VAX2: variants seen among roughly 807,000 people sequenced by gnomAD.
The protein encoded by VAX2 is ventral anterior homeobox 2.
VAX2 carries 8 observed loss-of-function variants against 12.5 expected under a neutral mutation model. That is an observed-to-expected ratio of 0.64 (90% CI 0.37 to 1.15). The LOEUF is 1.15. Among genes scored for constraint, VAX2 ranks in the 50% most tolerant of loss-of-function variants. The pLI is 0.01. For missense variants in VAX2, 476 were observed against 412.9 expected (o/e 1.15, Z -1.32); for synonymous variants, 183 against 187.6 (o/e 0.98, Z 0.20).
Position 70,933,138 on chromosome 2 carries a change from C to A in VAX2, c.807C>A (p.Phe269Leu). The A allele has an allele frequency of 6.3e-7, 1 of 1,595,426 alleles. No homozygotes were observed. Among genetic ancestry groups the A allele is most frequent in the Non-Finnish European group, 8.5e-7 (1 of 1,172,080 alleles). Reference sequence around the variant, plus strand: ...GCTACGAACTGGGTTCCTCGGCCTTCGAGCCATACAGCTGGCTAGAACGGA... The same window carrying A: ...GCTACGAACTGGGTTCCTCGGCCTTAGAGCCATACAGCTGGCTAGAACGGA... Reference protein sequence around the residue: ...PAGYELGSSAFEPYSWLERKV... With the variant: ...PAGYELGSSALEPYSWLERKV... The change falls in exon 3 of 3, where the codon TTC becomes TTA. Residue 269 changes from phenylalanine (F) to leucine (L), a missense_variant. Physicochemically the swap from Phe to Leu is conservative, Grantham distance 22 (BLOSUM62 0). Coordinates refer to ENST00000234392, the MANE Select transcript of VAX2 (RefSeq NM_012476.3).
At chr2:70,928,976 G>T (rs910525162) in intron 2 of VAX2, among the ~76,000 whole-genome samples, 3 of 152,220 alleles carry the variant, frequency 2.0e-5, no homozygotes, top group Admixed American at 6.5e-5. Context: ...CTGGCCTCAG[G>T]TCCTAGGACG....
intron 2 of VAX2, among the ~76,000 whole-genome samples, chr2:70,921,795 C>T (rs1679464844): frequency 6.6e-6 from 1 of 152,136 alleles, no homozygotes; most frequent in African/African-American, 2.4e-5. Flanking sequence ...GGTCTGCACA[C>T]CCCCTTCACC....
At chr2:70,913,301 T>A (rs569097250) in intron 1 of VAX2, among the ~76,000 whole-genome samples, 159 of 152,364 alleles carry the variant, frequency 1.0e-3, no homozygotes, top group African/African-American at 3.6e-3. Context: ...AGGGCAGGGA[T>A]GGTAATATCC....
At chr2:70,914,622 A>C (rs1679267406) in intron 1 of VAX2, among the ~76,000 whole-genome samples, 1 of 152,042 alleles carries the variant, frequency 6.6e-6, no homozygotes, top group Non-Finnish European at 1.5e-5. Flanking sequence ...ATCACTTGTT[A>C]ATGTCCTTTC....
In VAX2 at chr2:70,933,012, A is replaced by T; in HGVS notation, c.681A>T (p.Pro227=). Residue 227 remains proline, a synonymous_variant, in exon 3 of 3, where the codon CCA becomes CCT. Transcript: ENST00000234392. ...TSLGDPRNSS[P]RLNPLSSASA... is the part of the protein sequence containing the mutation. ...TAGGTGACCCCAGGAACTCCTCCCC[A>T]CGCCTCAACCCGCTGTCCTCGGCCT... The T allele has an allele frequency of 6.3e-7, 1 of 1,598,202 alleles. No individual in the cohort carries two copies. The highest frequency in any genetic ancestry group is 1.1e-5 in the South Asian group (1 of 89,272).
intron 1 of VAX2, among the ~76,000 whole-genome samples, chr2:70,908,613 GAAAT>G (rs1679117252): frequency 6.6e-6 from 1 of 152,172 alleles, no homozygotes. Context: ...ATGTAATCCT[GAAAT>G]AAATAAACTT....
chr2:70,910,798 A>G (rs1429124654), intron 1 of VAX2, among the ~76,000 whole-genome samples: 4 of 129,124 alleles, frequency 3.1e-5, no homozygotes, highest in Non-Finnish European at 6.7e-5. Context: ...AAAAAAACAA[A>G]ACAAAACAAA....
chr2:70,909,934 C>T (rs1480277356), intron 1 of VAX2, among the ~76,000 whole-genome samples: 1 of 152,078 alleles, frequency 6.6e-6, no homozygotes, highest in Non-Finnish European at 1.5e-5. Flanking sequence ...TCCCAGGCAA[C>T]ACCTACCTCA....
chr2:70,915,984 T>C (rs1679299007), intron 1 of VAX2, among the ~76,000 whole-genome samples: 1 of 152,228 alleles, frequency 6.6e-6, no homozygotes, highest in African/African-American at 2.4e-5. Context: ...ACCCTAAGCC[T>C]ATAAAATTAT....
Position 70,904,159 on chromosome 2 carries a change from C to T in VAX2, c.247+3291C>T, listed in dbSNP as rs1020326499. Among the ~76,000 whole-genome samples the T allele has an allele frequency of 6.6e-6, 1 of 152,254 alleles. No homozygotes were observed. Among genetic ancestry groups the T allele is most frequent in the Non-Finnish European group, 1.5e-5 (1 of 68,048 alleles). On this transcript the variant is annotated intron_variant, in intron 1 of 2. Transcript: ENST00000234392. This position sits in a 1 kb window ranked among gnomAD's most constrained non-coding sequence, Gnocchi z 4.2. ...TAAGGCCTGAGAAGGCCGCTCCACA[C>T]CTCCGCGTGCACAGTCCCTAGACCA...
At position 70,932,837 on chromosome 2, in the gene VAX2, C is replaced by G; in HGVS notation, c.506C>G (p.Ala169Gly). The G allele has an allele frequency of 6.2e-7, 1 of 1,612,404 alleles. No homozygotes were observed. Among genetic ancestry groups the G allele is most frequent in the Non-Finnish European group, 8.5e-7 (1 of 1,179,414 alleles). The change falls in exon 3 of 3, where the codon GCG becomes GGG. Residue 169 changes from alanine to glycine, a missense_variant. Ala to Gly is a moderately conservative substitution (Grantham distance 60). Coordinates refer to ENST00000234392, the MANE Select transcript of VAX2 (RefSeq NM_012476.3). ...KDQSRDLEKR[A>G]SSSASEAFAT... ...CAGAGCAGAGACCTGGAGAAGCGGG[C>G]GTCCTCCTCAGCCTCCGAGGCCTTT...
chr2:70,910,439 A>G (rs181456175), intron 1 of VAX2, among the ~76,000 whole-genome samples: 60 of 152,280 alleles, frequency 3.9e-4, no homozygotes, highest in African/African-American at 1.2e-3. Context: ...CAAATTTTAT[A>G]CCAAAACTCT....
At chr2:70,905,965 T>A (rs77276570) in intron 1 of VAX2, among the ~76,000 whole-genome samples, 1 of 152,236 alleles carries the variant, frequency 6.6e-6, no homozygotes, top group Admixed American at 6.5e-5. Context: ...TTGGCTACAT[T>A]TCTTTGATTT....
In VAX2 at chr2:70,905,236, G is replaced by T. The variant is rs569576522; in HGVS notation, c.247+4368G>T. On this transcript the variant is annotated intron_variant, in intron 1 of 2. Coordinates refer to ENST00000234392, the MANE Select transcript of VAX2 (RefSeq NM_012476.3). ...CCGAGGACCAGCCCCCAAGGCAGAC[G>T]TGGAAAGGTGTAAATGGTTCATGCA... 3.9e-5 allele frequency among the ~76,000 whole-genome samples: 6 copies of T among 152,308 alleles called. No individual in the cohort carries two copies. The South Asian group carries it at 1.2e-3, about 32-fold the overall frequency.
intron 1 of VAX2, 123 bp from the exon 2 acceptor site, chr2:70,920,975 A>G: frequency 8.3e-7 from 1 of 1,200,506 alleles, no homozygotes; most frequent in Non-Finnish European, 1.1e-6. Context: ...GTCACAGGTC[A>G]TGCAACCAGA....
At position 70,900,866 on chromosome 2, in the gene VAX2, G is replaced by T; in HGVS notation, c.245G>T (p.Arg82Leu). The T allele has an allele frequency of 1.4e-6, 2 of 1,411,534 alleles. No homozygotes were observed. Among genetic ancestry groups the T allele is most frequent in the Non-Finnish European group, 1.9e-6 (2 of 1,078,732 alleles). The allele number at this position is 1,411,534 out of a possible 1,614,324, so 87.4% of individuals were successfully genotyped here. ...GACCACTGCCGCCGCATACTGGTGC[G>T]AGGTAAGGGGACAGCCCGCGGCCCT... ...EADHCRRILV[R>L]DAKGTIREIV... The change falls in exon 1 of 3, where the codon CGA becomes CTA. Residue 82 changes from arginine to leucine, a missense_variant and splice_region_variant. Coordinates refer to ENST00000234392, the MANE Select transcript of VAX2 (RefSeq NM_012476.3).
chr2:70,903,758 T>C (rs1678986213), intron 1 of VAX2, among the ~76,000 whole-genome samples: 1 of 152,180 alleles, frequency 6.6e-6, no homozygotes, highest in African/African-American at 2.4e-5. Flanking sequence ...ACCTTCGTTG[T>C]CTGAGGCCTC....
intron 2 of VAX2, among the ~76,000 whole-genome samples, chr2:70,931,990 A>T (rs72832761): frequency 1.3e-5 from 2 of 152,092 alleles, no homozygotes; most frequent in Admixed American, 6.5e-5. Flanking sequence ...AAACTACTAA[A>T]GTCTGGGTCC....
chr2:70,906,775 T>C (rs1553410646), intron 1 of VAX2, among the ~76,000 whole-genome samples: 1 of 152,156 alleles, frequency 6.6e-6, no homozygotes, highest in Non-Finnish European at 1.5e-5. Context: ...GGCACGCAGC[T>C]TCCCATAAAT....
Sources: allele counts gnomAD v4.1 joint callset (sites outside exome capture counted in the v4.1 genomes callset), GRCh38; gene constraint gnomAD v4.1.1; non-coding constraint Gnocchi (gnomAD v3.1); transcripts MANE v1.5; gene names NCBI Gene and HGNC (gene_info 2026-07-23, HGNC 2026-07-21).